ATAD1: variants seen among roughly 807,000 people sequenced by gnomAD.
ATAD1 encodes outer mitochondrial transmembrane helix translocase.
In ATAD1, 18 loss-of-function variants were observed where a neutral mutation model predicts 42.7. The ratio of observed to expected loss-of-function variants is 0.42; its 90% CI spans 0.29 to 0.63. ATAD1 has a LOEUF of 0.63. Ranked by LOEUF, ATAD1 falls within the 20% of genes least tolerant of loss-of-function variation. The pLI is 0.19. For missense variants in ATAD1, 294 were observed against 440.4 expected, an observed-to-expected ratio of 0.67 and a Z score of 2.98; for synonymous variants, 132 against 143.1, an observed-to-expected ratio of 0.92 and a Z score of 0.55.
At chr10:87,775,463 C>A (rs1448033178) in intron 6 of ATAD1, among the ~76,000 whole-genome samples, 73 of 45,682 alleles carry the variant, frequency 1.6e-3, no homozygotes, top group South Asian at 3.0e-3. Flanking sequence ...AAAGTTAAAA[C>A]AACAAAAGAA....
At chr10:87,769,306 C>T (rs74700950) in intron 7 of ATAD1, among the ~76,000 whole-genome samples, 15 of 152,252 alleles carry the variant, frequency 9.9e-5, no homozygotes, top group South Asian at 6.2e-4. Flanking sequence ...CTTGGTGCTG[C>T]GCTCACCAAA....
intron 1 of ATAD1, among the ~76,000 whole-genome samples, chr10:87,827,591 T>C (rs544890542): frequency 5.4e-4 from 83 of 152,322 alleles, no homozygotes; most frequent in African/African-American, 1.9e-3. Context: ...GGATCTTTGA[T>C]GTTACTATTG....
chr10:87,792,531 GC>G (rs763142012), intron 3 of ATAD1, 125 bp downstream of exon 3: 5 of 667,530 alleles, frequency 7.5e-6, no homozygotes, highest in Non-Finnish European at 1.3e-5. Context: ...ACAACTATAT[GC>G]CGAGTCTTAT....
chr10:87,794,451 T>G (rs546485183), intron 2 of ATAD1, among the ~76,000 whole-genome samples: 1 of 152,328 alleles, frequency 6.6e-6, no homozygotes, highest in Admixed American at 6.5e-5. Flanking sequence ...TATGCTACAG[T>G]AAATGTGAAA....
intron 2 of ATAD1, among the ~76,000 whole-genome samples, chr10:87,801,092 T>C (rs542701452): frequency 6.6e-5 from 10 of 152,216 alleles, no homozygotes; most frequent in African/African-American, 1.4e-4. Context: ...TGGTCAAGAT[T>C]AAAATTTTGG....
At chr10:87,773,201 T>C (rs940072331) in intron 6 of ATAD1, among the ~76,000 whole-genome samples, 1 of 152,196 alleles carries the variant, frequency 6.6e-6, no homozygotes, top group Admixed American at 6.5e-5. Context: ...ATAATTTTTT[T>C]ATCATTTCAC....
At chr10:87,827,267 T>G (rs1857747555) in intron 1 of ATAD1, among the ~76,000 whole-genome samples, 1 of 152,236 alleles carries the variant, frequency 6.6e-6, no homozygotes, top group Admixed American at 6.5e-5. Context: ...TTTGAGAAAT[T>G]CTAAATTATG....
At position 87,838,736 on chromosome 10, in the gene ATAD1, T is replaced by TTTTC. The variant is rs1554887925; in HGVS notation, c.-14+2450_-14+2451insGAAA. ...GGAGACACCAAAGAGCTCATTCATA[T>TTTTC]TCTCTCTCTCTCTCTCTCTCTCTCC... On this transcript the variant is annotated intron_variant, in intron 1 of 4. Coordinates refer to the ATAD1 transcript ENST00000495903. Among the ~76,000 whole-genome samples, 144 of 131,858 alleles carry TTTTC rather than the reference T, an allele frequency of 1.1e-3. 3 individuals are homozygous for TTTTC. Among genetic ancestry groups the TTTTC allele is most frequent in the Admixed American group, 2.7e-3 (31 of 11,612 alleles). 86.5% of individuals were successfully genotyped at this position (131,858 alleles called of 152,430 possible). A position where few individuals can be genotyped will look rare whatever the true frequency, so the allele number is the denominator to read the frequency against.
intron 1 of ATAD1, among the ~76,000 whole-genome samples, chr10:87,831,537 A>G (rs552265062): frequency 6.6e-6 from 1 of 152,184 alleles, no homozygotes; most frequent in East Asian, 1.9e-4. Context: ...GCTAGTAACC[A>G]CCCTTTTGAT....
intron 1 of ATAD1, chr10:87,814,929 T>C (rs548371643): frequency 6.1e-6 from 1 of 164,070 alleles, no homozygotes; most frequent in Non-Finnish European, 1.3e-5. Flanking sequence ...AAAGAACTAT[T>C]TCAGAGTCTA....
chr10:87,800,089 A>T (rs563111368), intron 2 of ATAD1, among the ~76,000 whole-genome samples: 6 of 140,820 alleles, frequency 4.3e-5, no homozygotes, highest in Middle Eastern at 3.7e-3. Context: ...GGATTTATTT[A>T]AAAAAAAAAA....
intron 8 of ATAD1, among the ~76,000 whole-genome samples, chr10:87,766,349 ATG>A (rs1368548239): frequency 6.6e-6 from 1 of 152,164 alleles, no homozygotes; most frequent in Non-Finnish European, 1.5e-5. Flanking sequence ...ATCAATCCAA[ATG>A]TCCTTCAATG....
intron 5 of ATAD1, among the ~76,000 whole-genome samples, chr10:87,782,466 C>A (rs1855612245): frequency 6.6e-6 from 1 of 151,878 alleles, no homozygotes; most frequent in South Asian, 2.1e-4. Context: ...CAATTAATAT[C>A]GAAGGTAGAA....
At chr10:87,809,936 G>A (rs1207435055) in intron 2 of ATAD1, among the ~76,000 whole-genome samples, 6 of 151,992 alleles carry the variant, frequency 3.9e-5, no homozygotes, top group East Asian at 3.8e-4. Context: ...GTAAGCCACC[G>A]TGCCCGGCCC....
intron 8 of ATAD1, chr10:87,759,760 A>G (rs946208449): frequency 2.2e-6 from 1 of 455,786 alleles, no homozygotes; most frequent in Non-Finnish European, 4.4e-6. Context: ...AGTTATTACA[A>G]AACTTCTCTG....
At chr10:87,830,218 G>A (rs559631656) in intron 1 of ATAD1, among the ~76,000 whole-genome samples, 1 of 152,316 alleles carries the variant, frequency 6.6e-6, no homozygotes, top group African/African-American at 2.4e-5. Context: ...CAGATCAAAA[G>A]CTGTGAAAGG....
At position 87,752,004 on chromosome 10, in the gene ATAD1, T is replaced by TA. The variant is rs1589448901; in HGVS notation, c.*2682dup. 1.3e-5 allele frequency: 2 copies of TA among 152,176 alleles called. No homozygotes were observed. The highest frequency in any genetic ancestry group is 2.9e-5 in the Non-Finnish European group (2 of 68,030). The allele number at this position is 152,176 out of a possible 1,614,324, so 9.4% of individuals were successfully genotyped here. Reference sequence around the variant, plus strand: ...GGCTTGAGACATCCTCATCTAGCATTAAACCTGTAAGTTACAGCTACTAAA... The same window carrying TA: ...GGCTTGAGACATCCTCATCTAGCATTAAAACCTGTAAGTTACAGCTACTAAA... On this transcript the variant is annotated 3_prime_UTR_variant, in exon 10 of 10. Transcript: ENST00000680024.
At chr10:87,795,114 A>T (rs1403606490) in intron 2 of ATAD1, among the ~76,000 whole-genome samples, 1 of 152,168 alleles carries the variant, frequency 6.6e-6, no homozygotes, top group Admixed American at 6.5e-5. Flanking sequence ...AATTAAAAGA[A>T]ATGTCAGGAT....
At chr10:87,814,055 G>T (rs895419807) in intron 2 of ATAD1, among the ~76,000 whole-genome samples, 13 of 152,008 alleles carry the variant, frequency 8.6e-5, no homozygotes, top group African/African-American at 3.1e-4. Flanking sequence ...GACTGAGAGC[G>T]TTTCAGTATT....
Sources: gnomAD v4.1 joint callset for allele counts (sites outside exome capture counted in the v4.1 genomes callset) on GRCh38, gnomAD v4.1.1 for gene constraint, MANE v1.5 for transcripts, NCBI Gene and HGNC (gene_info 2026-07-23, HGNC 2026-07-21) for gene names.